Variants in RRBP1 observed in about 807,000 individuals in gnomAD.
RRBP1 encodes ribosome-binding protein 1.
A neutral mutation model predicts 165.2 loss-of-function variants in RRBP1; 94 were observed. The observed-to-expected ratio is 0.57, with a 90% CI of 0.48 to 0.68. The LOEUF (loss-of-function observed/expected upper bound fraction) is 0.68, where lower values mean the gene tolerates loss of function less well. RRBP1 is among the 30% of genes least tolerant of loss of function. RRBP1 has a pLI of 0.00. For missense variants in RRBP1, 1,676 were observed against 1,763.0 expected, an observed-to-expected ratio of 0.95 and a Z score of 0.88; for synonymous variants, 680 against 714.5, an observed-to-expected ratio of 0.95 and a Z score of 0.77.
At chr20:17,653,507 G>C (rs1252001784) in intron 3 of RRBP1, among the ~76,000 whole-genome samples, 1 of 152,258 alleles carries the variant, frequency 6.6e-6, no homozygotes, top group Non-Finnish European at 1.5e-5. Context: ...ACGGAGTCCA[G>C]ATGAGACCAA....
rs547251626 is a variant in RRBP1, at chr20:17,616,806, C to T, written c.3793G>A (p.Val1265Ile). The T allele has an allele frequency of 6.9e-5, 111 of 1,613,306 alleles. No homozygotes were observed. The South Asian group carries it at 7.7e-4, about 11-fold the overall frequency. The stretch of plus-strand genomic sequence containing the variant: ...GCCCCAGCTATGTCACCATCCTCTA[C>T]GTGGCTCTTCATTTCACTCAACTGC... ...RQQLSEMKSH[V>I]EDGDIAGAPA... Residue 1265 changes from valine to isoleucine, a missense_variant, in exon 21 of 25, where the codon GTA (valine) becomes ATA (isoleucine). Val to Ile is a conservative substitution (Grantham distance 29). This residue lies in a region of RRBP1 where 1,184 missense variants were observed against 1,167.1 expected (regional missense o/e 1.01). Transcript: ENST00000377813.
In RRBP1 at chr20:17,636,731, TG is replaced by T. The variant is rs1403360628; in HGVS notation, c.2185-3del. The T allele has an allele frequency of 2.5e-6, 4 of 1,612,548 alleles. No homozygotes were observed. Among genetic ancestry groups the T allele is most frequent in the Non-Finnish European group, 2.5e-6 (3 of 1,179,994 alleles). On this transcript the variant is annotated splice_polypyrimidine_tract_variant and splice_region_variant and intron_variant, in intron 5 of 24. Coordinates refer to ENST00000377813, the MANE Select transcript of RRBP1 (RefSeq NM_001365613.2). ...TTTGGCCTTTTCTGCTGCCATCTCCTGGGGGGAAAGTAGCAGAGAGAGGGGC... is the reference window on the plus strand; with the variant it reads ...TTTGGCCTTTTCTGCTGCCATCTCCTGGGGGAAAGTAGCAGAGAGAGGGGC...
Position 17,625,509 on chromosome 20 carries a change from C to T in RRBP1, c.3054+3G>A, listed in dbSNP as rs1472053845. 1.9e-6 allele frequency: 3 copies of T among 1,613,522 alleles called. No homozygotes were observed. In the South Asian group the frequency reaches 3.3e-5, roughly 18 times the overall value. ...CGTCCCCGCCTGTGCCTGCCGCACT[C>T]ACATTGTTCTTCACTTTCTGCTGCT... On this transcript the variant is annotated splice_donor_region_variant and intron_variant, in intron 12 of 24. Transcript: ENST00000377813.
intron 12 of RRBP1, 52 bp from the exon 13 acceptor site, chr20:17,624,720 G>A: frequency 7.5e-7 from 1 of 1,331,138 alleles, no homozygotes; most frequent in South Asian, 1.3e-5. Flanking sequence ...AGCACGGGCT[G>A]CCTAAGCTGG....
intron 5 of RRBP1, among the ~76,000 whole-genome samples, chr20:17,640,573 T>A (rs755526770): frequency 6.6e-6 from 1 of 151,848 alleles, no homozygotes; most frequent in Admixed American, 6.6e-5. Flanking sequence ...GGGAGCAGAG[T>A]GTGGGTGGAA....
In RRBP1 at chr20:17,651,763, T is replaced by C. The variant is rs2036563580; in HGVS notation, c.1912+6833A>G. Among the ~76,000 whole-genome samples the C allele has an allele frequency of 2.6e-5, 4 of 152,354 alleles. No individual in the cohort carries two copies. The South Asian group carries it at 8.3e-4, about 32-fold the overall frequency. ...TTTGTTTGCTGGAAACACATATTTA[T>C]GTAATAATAAATTGTAAAAGGCAAG... is the stretch of plus-strand genomic sequence containing the variant. On this transcript the variant is annotated intron_variant, in intron 3 of 24. Coordinates refer to ENST00000377813, the MANE Select transcript of RRBP1 (RefSeq NM_001365613.2).
At chr20:17,618,072 C>T (rs1428722638) in intron 20 of RRBP1, among the ~76,000 whole-genome samples, 2 of 152,216 alleles carry the variant, frequency 1.3e-5, no homozygotes, top group Non-Finnish European at 2.9e-5. Context: ...TCTCTGCACC[C>T]GGCAGCTGGT....
intron 10 of RRBP1, 40 bp from the exon 11 acceptor site, chr20:17,627,422 T>A (rs770644806): frequency 6.2e-7 from 1 of 1,612,938 alleles, no homozygotes; most frequent in Non-Finnish European, 8.5e-7. Context: ...TCCAGGAGAC[T>A]CATCTCACGC....
chr20:17,661,025 G>A (rs1233190817), intron 2 of RRBP1, among the ~76,000 whole-genome samples: 5 of 149,534 alleles, frequency 3.3e-5, no homozygotes, highest in African/African-American at 1.2e-4. Context: ...TTCATGTTAG[G>A]CCAGACACTT....
chr20:17,622,514 G>A (rs953194941), intron 13 of RRBP1, among the ~76,000 whole-genome samples: 2 of 151,980 alleles, frequency 1.3e-5, no homozygotes, highest in African/African-American at 4.8e-5. Flanking sequence ...CCCTGGAGAG[G>A]GTGGATCAGC....
At chr20:17,638,361 T>G (rs2036285722) in intron 5 of RRBP1, among the ~76,000 whole-genome samples, 1 of 152,208 alleles carries the variant, frequency 6.6e-6, no homozygotes, top group Non-Finnish European at 1.5e-5. Flanking sequence ...GGATGGCTGG[T>G]TGGGAAGCCA....
Position 17,621,955 on chromosome 20 carries a change from G to T in RRBP1, c.3148-8C>A. Reference sequence around the variant, plus strand: ...CTGCTTCTCCGATTCCTCCTGGGGGGTGGGTGGGGAAGAGCGGAAGGTGTT... The same window carrying T: ...CTGCTTCTCCGATTCCTCCTGGGGGTTGGGTGGGGAAGAGCGGAAGGTGTT... On this transcript the variant is annotated splice_region_variant and splice_polypyrimidine_tract_variant and intron_variant, in intron 13 of 24. Transcript: ENST00000377813. 2 of 1,599,942 alleles carry T rather than the reference G, an allele frequency of 1.3e-6. No homozygotes were observed. Among genetic ancestry groups the T allele is most frequent in the Non-Finnish European group, 1.7e-6 (2 of 1,168,414 alleles).
At chr20:17,620,661 C>A in intron 17 of RRBP1, 54 bp downstream of exon 17, 2 of 1,352,716 alleles carry the variant, frequency 1.5e-6, no homozygotes, top group Non-Finnish European at 2.1e-6. Flanking sequence ...TGTCAACTCT[C>A]CCCTGGGCTT....
chr20:17,625,327 T>C lies in RRBP1; in HGVS notation c.3054+185A>G, dbSNP rs1386482501. ...TCCACAGGCAGTCAGCCCTGGGTCT[T>C]TGGCGGAACTCAGGGGTGAGTAGAA... is the stretch of plus-strand genomic sequence containing the variant. On this transcript the variant is annotated intron_variant, in intron 12 of 24. Transcript: ENST00000377813. Among the ~76,000 whole-genome samples, 3 of 152,144 alleles carry C rather than the reference T, an allele frequency of 2.0e-5. No individual in the cohort carries two copies. The East Asian group carries it at 5.8e-4, about 30-fold the overall frequency.
intron 8 of RRBP1, among the ~76,000 whole-genome samples, chr20:17,632,814 A>T (rs1600740225): frequency 6.6e-6 from 1 of 152,300 alleles, no homozygotes; most frequent in East Asian, 1.9e-4. Flanking sequence ...GGGCTGGGAA[A>T]ACATGCTGCA....
chr20:17,652,604 G>A (rs2036578136), intron 3 of RRBP1, among the ~76,000 whole-genome samples: 1 of 152,158 alleles, frequency 6.6e-6, no homozygotes, highest in African/African-American at 2.4e-5. Context: ...TAGATGCCCA[G>A]GGCCAGTCAG....
At chr20:17,627,259 G>A (rs997679912) in intron 11 of RRBP1, 89 bp downstream of exon 11, 1 of 1,358,968 alleles carries the variant, frequency 7.4e-7, no homozygotes, top group Non-Finnish European at 1.0e-6. Flanking sequence ...GAGGACCTGA[G>A]CACCCTCCTG....
At chr20:17,667,464 CTT>C (rs911983762) in intron 2 of RRBP1, among the ~76,000 whole-genome samples, 10 of 152,204 alleles carry the variant, frequency 6.6e-5, no homozygotes, top group Admixed American at 2.0e-4. Flanking sequence ...AGTCCTTTCT[CTT>C]TTCTTGCAGC....
At chr20:17,671,746 C>A (rs1473566460) in intron 2 of RRBP1, among the ~76,000 whole-genome samples, 1 of 152,174 alleles carries the variant, frequency 6.6e-6, no homozygotes, top group Admixed American at 6.5e-5. Context: ...GCCTATTTTG[C>A]CAAAGGCCCC....
Sources: allele counts gnomAD v4.1 joint callset (sites outside exome capture counted in the v4.1 genomes callset), GRCh38; gene constraint gnomAD v4.1.1; regional missense constraint gnomAD v4.1.1; transcripts MANE v1.5; gene names NCBI Gene and HGNC (gene_info 2026-07-23, HGNC 2026-07-21).